DDX60: variants seen among roughly 807,000 people sequenced by gnomAD.
DDX60 encodes DExD/H-box helicase 60, also known as probable ATP-dependent RNA helicase DDX60.
DDX60 carries 165 observed loss-of-function variants against 212.8 expected under a neutral mutation model. The observed-to-expected ratio is 0.78, with a 90% CI of 0.68 to 0.88. The LOEUF is 0.88. Ranked by LOEUF, DDX60 falls within the 40% of genes least tolerant of loss-of-function variation. The pLI is 0.00. For synonymous variants in DDX60, 703 were observed against 685.3 expected (o/e 1.03, Z -0.40); for missense variants, 1,905 against 2,003.9 (o/e 0.95, Z 0.94).
At chr4:168,255,386 T>C (rs990540363) in intron 26 of DDX60, among the ~76,000 whole-genome samples, 2 of 152,144 alleles carry the variant, frequency 1.3e-5, no homozygotes, top group South Asian at 2.1e-4. Context: ...GAGAACTAAG[T>C]GATAGCCAGA....
intron 6 of DDX60, among the ~76,000 whole-genome samples, chr4:168,298,615 G>T (rs1452397554): frequency 6.6e-6 from 1 of 152,016 alleles, no homozygotes; most frequent in Non-Finnish European, 1.5e-5. Context: ...AAAGATAAAA[G>T]AAACTCTATA....
At chr4:168,258,244 C>T (rs529739765) in intron 25 of DDX60, among the ~76,000 whole-genome samples, 26 of 152,266 alleles carry the variant, frequency 1.7e-4, no homozygotes, top group Admixed American at 1.7e-3. Flanking sequence ...ATTCTCACTC[C>T]AATCCTTTGT....
chr4:168,310,101 G>A (rs1737064762), intron 3 of DDX60, among the ~76,000 whole-genome samples: 1 of 152,160 alleles, frequency 6.6e-6, no homozygotes, highest in Non-Finnish European at 1.5e-5. Flanking sequence ...GAAGTACCTT[G>A]CCAGTGAGGG....
chr4:168,284,194 T>C (rs1470622252), intron 12 of DDX60, among the ~76,000 whole-genome samples: 2 of 152,200 alleles, frequency 1.3e-5, no homozygotes, highest in Non-Finnish European at 2.9e-5. Flanking sequence ...AGCATGTTAA[T>C]GGTTCATCTA....
At chr4:168,249,415 T>C (rs953042410) in intron 28 of DDX60, among the ~76,000 whole-genome samples, 1 of 152,236 alleles carries the variant, frequency 6.6e-6, no homozygotes. Context: ...AATTATTCTG[T>C]AACTGAAATC....
At chr4:168,237,663 C>A in intron 31 of DDX60, 28 bp downstream of exon 31, 1 of 1,574,324 alleles carries the variant, frequency 6.4e-7, no homozygotes, top group Non-Finnish European at 8.7e-7. Flanking sequence ...AATGCTATTT[C>A]CCAAAACAAA....
intron 5 of DDX60, among the ~76,000 whole-genome samples, chr4:168,304,309 G>A (rs1736781730): frequency 6.6e-6 from 1 of 152,134 alleles, no homozygotes; most frequent in Admixed American, 6.5e-5. Flanking sequence ...CCCTGTGTAT[G>A]CCTAGGCTAA....
chr4:168,225,059 G>A (rs759529883), intron 34 of DDX60, among the ~76,000 whole-genome samples: 47 of 152,064 alleles, frequency 3.1e-4, no homozygotes, highest in African/African-American at 6.7e-4. Context: ...TCAAAACTAC[G>A]TAGATAATGC....
chr4:168,278,551 T>C (rs1183770230), intron 14 of DDX60, among the ~76,000 whole-genome samples: 1 of 152,148 alleles, frequency 6.6e-6, no homozygotes, highest in African/African-American at 2.4e-5. Flanking sequence ...CGGGCCGGGC[T>C]CAGTGGCTCA....
chr4:168,250,821 G>A (rs902652824), intron 28 of DDX60, 133 bp downstream of exon 28: 26 of 749,718 alleles, frequency 3.5e-5, no homozygotes, highest in African/African-American at 2.3e-4. Context: ...CATCACGCCC[G>A]GCCAACTTAT....
chr4:168,230,939 A>C (rs1239022603), intron 33 of DDX60, among the ~76,000 whole-genome samples: 1 of 152,012 alleles, frequency 6.6e-6, no homozygotes, highest in African/African-American at 2.4e-5. Flanking sequence ...AACATTGATA[A>C]ATAGACCATT....
chr4:168,280,732 C>G, intron 13 of DDX60, 142 bp from the exon 14 acceptor site: 1 of 954,744 alleles, frequency 1.0e-6, no homozygotes, highest in African/African-American at 1.7e-5. Context: ...TTCTTTTTTT[C>G]TTTTGGAAAT....
chr4:168,307,973 A>C, intron 4 of DDX60, 33 bp downstream of exon 4: 1 of 1,388,518 alleles, frequency 7.2e-7, no homozygotes, highest in South Asian at 1.7e-5. Context: ...TTTAGTTCTC[A>C]TATTATAAAA....
upstream of DDX60, among the ~76,000 whole-genome samples, chr4:168,321,910 T>C (rs603694): frequency 6.6e-6 from 1 of 151,550 alleles, no homozygotes; most frequent in South Asian, 2.1e-4. Flanking sequence ...ATAGGTTCAA[T>C]AGGTTCAAAC....
At chr4:168,307,891 TC>T (rs1171313980) in intron 4 of DDX60, 114 bp downstream of exon 4, 2 of 521,132 alleles carry the variant, frequency 3.8e-6, no homozygotes, top group Non-Finnish European at 5.9e-6. Context: ...CTTTCAATTT[TC>T]TGAACTTTTA....
chr4:168,280,693 T>C, intron 13 of DDX60, 103 bp from the exon 14 acceptor site: 7 of 1,298,528 alleles, frequency 5.4e-6, no homozygotes, highest in Non-Finnish European at 7.3e-6. Flanking sequence ...ACTTTGACCA[T>C]CATCCCATTT....
chr4:168,324,184 T>C, the DDX60 span, among the ~76,000 whole-genome samples: 1 of 152,156 alleles, frequency 6.6e-6, no homozygotes, highest in Non-Finnish European at 1.5e-5. Flanking sequence ...GGAGTGTTGC[T>C]TCCATGACCA....
At chr4:168,252,375 A>C (rs1393485019) in intron 27 of DDX60, 134 bp downstream of exon 27, 6 of 1,054,594 alleles carry the variant, frequency 5.7e-6, no homozygotes, top group Non-Finnish European at 8.2e-6. Context: ...GCTAAAGGAG[A>C]GTTCTCTTTT....
the DDX60 span, among the ~76,000 whole-genome samples, chr4:168,325,692 A>C: frequency 6.6e-6 from 1 of 152,244 alleles, no homozygotes; most frequent in Admixed American, 6.5e-5. Flanking sequence ...TTGGGGTCTA[A>C]GAATATGCCA....
Sources: allele counts gnomAD v4.1 joint callset (sites outside exome capture counted in the v4.1 genomes callset), GRCh38; gene constraint gnomAD v4.1.1; transcripts MANE v1.5; gene names NCBI Gene and HGNC (gene_info 2026-07-23, HGNC 2026-07-21).